Variants in MAPKBP1 observed in about 807,000 individuals in gnomAD.
MAPKBP1 encodes mitogen-activated protein kinase-binding protein 1.
MAPKBP1 carries 71 observed loss-of-function variants against 170.5 expected under a neutral mutation model. The ratio of observed to expected loss-of-function variants is 0.42; its 90% CI spans 0.34 to 0.51. The LOEUF (loss-of-function observed/expected upper bound fraction) is 0.51, where lower values mean the gene tolerates loss of function less well. MAPKBP1 is among the 20% of genes least tolerant of loss of function. The pLI is 0.06. For missense variants in MAPKBP1, 1,598 were observed against 1,933.0 expected, an observed-to-expected ratio of 0.83 and a Z score of 3.25; for synonymous variants, 719 against 757.9, an observed-to-expected ratio of 0.95 and a Z score of 0.84.
intron 3 of MAPKBP1, among the ~76,000 whole-genome samples, chr15:41,803,177 G>A (rs1475573640): frequency 6.6e-6 from 1 of 151,948 alleles, no homozygotes; most frequent in African/African-American, 2.4e-5. Flanking sequence ...CACTTTGGGA[G>A]GGCAAGGTGG....
intron 3 of MAPKBP1, chr15:41,810,668 T>C: frequency 1.9e-6 from 1 of 533,286 alleles, no homozygotes; most frequent in Non-Finnish European, 3.3e-6. Flanking sequence ...CACTGAGCCA[T>C]GTTTGCACCA....
Position 41,818,989 on chromosome 15 carries a change from G to A in MAPKBP1, c.2291+32G>A. 6.2e-7 allele frequency: 1 copy of A among 1,609,116 alleles called. No individual in the cohort carries two copies. Among genetic ancestry groups the A allele is most frequent in the Non-Finnish European group, 8.5e-7 (1 of 1,176,396 alleles). ...ACAGAATGTGGGCAAGTGATGGGTG[G>A]GTGTGCAGATGGCTTGCTGGGACCT... On this transcript the variant is annotated intron_variant, in intron 20 of 30. Transcript: ENST00000457542. The surrounding 1 kb of genome is among the most constrained non-coding windows in gnomAD (Gnocchi z 5.2).
At position 41,822,307 on chromosome 15, in the gene MAPKBP1, A is replaced by T. The variant is rs1309644656; in HGVS notation, c.3114A>T (p.Glu1038Asp). The change falls in exon 26 of 31, where the codon GAA becomes GAT. Residue 1038 changes from glutamate to aspartate, a missense_variant. Coordinates refer to ENST00000457542, the MANE Select transcript of MAPKBP1 (RefSeq NM_014994.3). ...EEPAEGDEEE[E>D]EEEGGMGPYG... ...CAGCTGAGGGTGATGAAGAAGAGGA[A>T]GAAGAGGAGGGAGGCATGGGCCCCT... The T allele has an allele frequency of 1.9e-6, 3 of 1,614,086 alleles. No individual in the cohort carries two copies. Among genetic ancestry groups the T allele is most frequent in the East Asian group, 4.5e-5 (2 of 44,878 alleles).
Position 41,775,389 on chromosome 15 carries a change from G to C in MAPKBP1, c.114G>C (p.Lys38Asn). The change falls in exon 2 of 31, where the codon AAG (lysine) becomes AAC (asparagine). Residue 38 changes from lysine (K) to asparagine (N), a missense_variant and splice_region_variant. Physicochemically the swap from Lys to Asn is moderately conservative, Grantham distance 94 (BLOSUM62 0). Transcript: ENST00000457542. ...AGNRREDLSS[K>N]VTLEKVLGIT... Reference sequence around the variant, plus strand: ...ACCGACGAGAGGACCTCAGCTCCAAGGTGAGTCCTGTTGGGATCCACCTCT... The same window carrying C: ...ACCGACGAGAGGACCTCAGCTCCAACGTGAGTCCTGTTGGGATCCACCTCT... The C allele has an allele frequency of 6.2e-7, 1 of 1,611,758 alleles. No individual in the cohort carries two copies. The highest frequency in any genetic ancestry group is 1.1e-5 in the South Asian group (1 of 91,022).
At chr15:41,820,810 C>T (rs1452460250) in intron 22 of MAPKBP1, 22 bp from the exon 23 acceptor site, 4 of 1,587,730 alleles carry the variant, frequency 2.5e-6, no homozygotes, top group Middle Eastern at 1.7e-4. Context: ...TTACTCCTCC[C>T]CCACCCCCTA....
chr15:41,784,795 A>AT (rs2064254260), intron 2 of MAPKBP1, among the ~76,000 whole-genome samples: 3 of 150,826 alleles, frequency 2.0e-5, no homozygotes, highest in South Asian at 2.1e-4. Flanking sequence ...AAAAAAAAAA[A>AT]AAAAAAATTA....
chr15:41,820,104 A>G (rs2152083158), intron 22 of MAPKBP1, among the ~76,000 whole-genome samples: 1 of 152,286 alleles, frequency 6.6e-6, no homozygotes, highest in South Asian at 2.1e-4. Context: ...CTTCCAGAAT[A>G]GTTAGAGGGA....
At chr15:41,812,805 G>A in intron 7 of MAPKBP1, 114 bp from the exon 8 acceptor site, 1 of 1,445,450 alleles carries the variant, frequency 6.9e-7, no homozygotes, top group South Asian at 1.4e-5. Context: ...GGGCTGAGGA[G>A]TAGGCCCAAA....
In MAPKBP1 at chr15:41,817,581, G is replaced by A. The variant is rs1375720165; in HGVS notation, c.1783-33G>A. ...TCTTGGGGCCTGGTGAGGCATTTGGGTGTGGGCCTGCCCACATGCTCCACC... is the reference window on the plus strand; with the variant it reads ...TCTTGGGGCCTGGTGAGGCATTTGGATGTGGGCCTGCCCACATGCTCCACC... On this transcript the variant is annotated intron_variant, in intron 15 of 30. Transcript: ENST00000457542. This position sits in a 1 kb window ranked among gnomAD's most constrained non-coding sequence, Gnocchi z 4.2. 1 of 1,614,048 alleles carries A rather than the reference G, an allele frequency of 6.2e-7. No homozygotes were observed.
At chr15:41,782,571 A>C (rs1412764125) in intron 2 of MAPKBP1, among the ~76,000 whole-genome samples, 2 of 152,228 alleles carry the variant, frequency 1.3e-5, no homozygotes, top group African/African-American at 4.8e-5. Flanking sequence ...AAGAGAGGTC[A>C]GGTGAGTAGC....
chr15:41,799,969 G>A (rs2064561414), intron 3 of MAPKBP1, 55 bp downstream of exon 3: 1 of 1,436,650 alleles, frequency 7.0e-7, no homozygotes, highest in African/African-American at 1.4e-5. Context: ...AGCCACGCTA[G>A]AGCAGTTGGG....
chr15:41,805,631 C>G (rs186404291), intron 3 of MAPKBP1, among the ~76,000 whole-genome samples: 124 of 152,334 alleles, frequency 8.1e-4, no homozygotes, highest in Admixed American at 1.2e-3. Flanking sequence ...AGGAGGCCCT[C>G]CATTTCCTCA....
intron 11 of MAPKBP1, 43 bp from the exon 12 acceptor site, chr15:41,815,581 G>C: frequency 6.3e-7 from 1 of 1,591,222 alleles, no homozygotes; most frequent in African/African-American, 1.3e-5. Context: ...CAGCTGTACT[G>C]GTCAGGCCTG....
At chr15:41,782,755 T>G (rs1337176942) in intron 2 of MAPKBP1, among the ~76,000 whole-genome samples, 4 of 151,766 alleles carry the variant, frequency 2.6e-5, no homozygotes, top group Admixed American at 6.6e-5. Flanking sequence ...GGGCACATCA[T>G]GCACTCAGCT....
chr15:41,816,361 C>G, intron 12 of MAPKBP1, 198 bp from the exon 13 acceptor site: 1 of 560,462 alleles, frequency 1.8e-6, no homozygotes, highest in East Asian at 2.8e-5. Context: ...GATAATTGCA[C>G]TATCGTTATG....
At position 41,823,933 on chromosome 15, in the gene MAPKBP1, C is replaced by T. The variant is rs1209226931; in HGVS notation, c.4085C>T (p.Pro1362Leu). The T allele has an allele frequency of 1.2e-6, 2 of 1,614,108 alleles. No homozygotes were observed. Among genetic ancestry groups the T allele is most frequent in the African/African-American group, 2.7e-5 (2 of 75,026 alleles). The change falls in exon 29 of 31, where the codon CCC (proline) becomes CTC (leucine). Residue 1362 changes from proline (P) to leucine (L), a missense_variant. Around this residue, in one of 6 missense-constraint regions of MAPKBP1, gnomAD observed 942 missense variants for 953.2 expected, o/e 0.99. Coordinates refer to ENST00000457542, the MANE Select transcript of MAPKBP1 (RefSeq NM_014994.3). ...CAGGCTCATCCTGGGCCCAGCAGCCCCTGTGCCCAGCAACTGCCAGTCAGC... is the reference window on the plus strand; with the variant it reads ...CAGGCTCATCCTGGGCCCAGCAGCCTCTGTGCCCAGCAACTGCCAGTCAGC... ...ECQAHPGPSSPCAQQLPVSSL... is the reference protein window; with the variant it reads ...ECQAHPGPSSLCAQQLPVSSL...
chr15:41,820,988 A>C lies in MAPKBP1; in HGVS notation c.2638A>C (p.Ser880Arg), dbSNP rs761362196. Reference protein sequence around the residue: ...ETLAPSLQDPSQDSLAIIPSG... With the variant: ...ETLAPSLQDPRQDSLAIIPSG... ...ACTGGCCCCAAGCCTGCAGGACCCT[A>C]GCCAGGACTCGCTGGCCATCATCCC... The change falls in exon 23 of 31, where the codon AGC (serine) becomes CGC (arginine). Residue 880 changes from serine to arginine, a missense_variant. Ser to Arg is a moderately radical substitution (Grantham distance 110). Around this residue, in one of 6 missense-constraint regions of MAPKBP1, gnomAD observed 942 missense variants for 953.2 expected, o/e 0.99. Transcript: ENST00000457542. The C allele has an allele frequency of 6.2e-7, 1 of 1,614,180 alleles. No homozygotes were observed. The highest frequency in any genetic ancestry group is 1.1e-5 in the South Asian group (1 of 91,086).
intron 3 of MAPKBP1, among the ~76,000 whole-genome samples, chr15:41,806,205 G>A (rs779593865): frequency 2.0e-5 from 3 of 152,208 alleles, no homozygotes; most frequent in Non-Finnish European, 2.9e-5. Flanking sequence ...AGTTATAAGC[G>A]TGATTACAAA....
chr15:41,799,819 A>G lies in MAPKBP1; in HGVS notation c.115-4A>G. 4.3e-6 allele frequency: 7 copies of G among 1,612,424 alleles called. No individual in the cohort carries two copies. The highest frequency in any genetic ancestry group is 5.1e-6 in the Non-Finnish European group (6 of 1,178,538). ...AACATGTCACTTCTCTCTTCCTCTAACAGGTGACCTTGGAGAAGGTGCTGG... is the reference window on the plus strand; with the variant it reads ...AACATGTCACTTCTCTCTTCCTCTAGCAGGTGACCTTGGAGAAGGTGCTGG... On this transcript the variant is annotated splice_region_variant and splice_polypyrimidine_tract_variant and intron_variant, in intron 2 of 30. Coordinates refer to ENST00000457542, the MANE Select transcript of MAPKBP1 (RefSeq NM_014994.3).
Sources: gnomAD v4.1 joint callset for allele counts (sites outside exome capture counted in the v4.1 genomes callset) on GRCh38, gnomAD v4.1.1 for gene constraint, gnomAD v4.1.1 regional missense constraint, Gnocchi (gnomAD v3.1) non-coding constraint, MANE v1.5 for transcripts, NCBI Gene and HGNC (gene_info 2026-07-23, HGNC 2026-07-21) for gene names.